Variants in DIAPH3 observed in about 807,000 individuals in gnomAD.
DIAPH3 encodes the protein diaphanous related formin 3, also known as protein diaphanous homolog 3.
Under a neutral mutation model 144.3 loss-of-function variants are expected in DIAPH3, and 117 were observed. That is an observed-to-expected ratio of 0.81 (90% CI 0.70 to 0.95). The LOEUF is 0.95. Among genes scored for constraint, DIAPH3 ranks in the 40% least tolerant of loss-of-function variants. The pLI is 0.00. For missense variants in DIAPH3, 1,421 were observed against 1,412.7 expected (o/e 1.01, Z -0.09); for synonymous variants, 519 against 488.9 (o/e 1.06, Z -0.81).
At chr13:59,969,825 G>C in intron 17 of DIAPH3, 119 bp downstream of exon 17, 1 of 568,814 alleles carries the variant, frequency 1.8e-6, no homozygotes, top group Non-Finnish European at 3.0e-6. Flanking sequence ...TGCCCATTAG[G>C]AATGTAAAAA....
intron 5 of DIAPH3, among the ~76,000 whole-genome samples, chr13:60,036,512 G>A (rs1053175524): frequency 1.3e-5 from 2 of 151,658 alleles, no homozygotes; most frequent in African/African-American, 4.8e-5. Context: ...AGAAAACAGA[G>A]CTGCCTGCAT....
Position 59,758,421 on chromosome 13 carries a change from C to T in DIAPH3, c.3319+15768G>A, listed in dbSNP as rs552739948. Among the ~76,000 whole-genome samples, 84 of 152,278 alleles carry T rather than the reference C, an allele frequency of 5.5e-4. 1 individual carries two copies. The highest frequency in any genetic ancestry group is 1.0e-3 in the Non-Finnish European group (71 of 68,030). ...CAACATGGATACAAAGTGTACAATC[C>T]TATTTTTGGAAAGAACAAGGTAAAG... On this transcript the variant is annotated intron_variant, in intron 27 of 27. Transcript: ENST00000400324.
chr13:59,938,452 C>A (rs149846240), intron 17 of DIAPH3, among the ~76,000 whole-genome samples: 8 of 151,898 alleles, frequency 5.3e-5, no homozygotes, highest in African/African-American at 1.9e-4. Flanking sequence ...CCACAAAAAA[C>A]GTAAAAATTA....
chr13:60,109,527 C>A (rs2058511157), intron 3 of DIAPH3, among the ~76,000 whole-genome samples: 2 of 151,508 alleles, frequency 1.3e-5, no homozygotes, highest in Non-Finnish European at 2.9e-5. Context: ...CCAACAACTG[C>A]CCCTACTGGA....
intron 22 of DIAPH3, among the ~76,000 whole-genome samples, chr13:59,852,842 C>A (rs1260170894): frequency 1.3e-5 from 2 of 152,160 alleles, no homozygotes; most frequent in Non-Finnish European, 2.9e-5. Context: ...TATACTAACA[C>A]ATTATTCACA....
chr13:59,816,195 A>T (rs2040763805), intron 24 of DIAPH3, among the ~76,000 whole-genome samples: 1 of 152,126 alleles, frequency 6.6e-6, no homozygotes, highest in Admixed American at 6.6e-5. Flanking sequence ...TTGAACATTT[A>T]GTCATAAAAT....
At chr13:60,137,977 G>A (rs912567480) in intron 1 of DIAPH3, among the ~76,000 whole-genome samples, 6 of 152,000 alleles carry the variant, frequency 3.9e-5, no homozygotes, top group Non-Finnish European at 5.9e-5. Flanking sequence ...TCCCACCTCG[G>A]CCTCCCAAAG....
chr13:59,981,567 A>G (rs1193424180), intron 13 of DIAPH3, among the ~76,000 whole-genome samples: 2 of 151,190 alleles, frequency 1.3e-5, no homozygotes, highest in Non-Finnish European at 1.5e-5. Context: ...AACTGCTTAA[A>G]TAAGTTATGA....
At chr13:60,089,710 C>A (rs2057868240) in intron 4 of DIAPH3, among the ~76,000 whole-genome samples, 2 of 152,178 alleles carry the variant, frequency 1.3e-5, no homozygotes. Context: ...AAGACATTTT[C>A]TCCAATAAAC....
At chr13:59,748,174 T>C (rs959697684) in intron 27 of DIAPH3, among the ~76,000 whole-genome samples, 10 of 152,186 alleles carry the variant, frequency 6.6e-5, no homozygotes, top group African/African-American at 2.4e-4. Flanking sequence ...TATTATGTAC[T>C]TGTAGAAAGC....
At chr13:59,829,889 A>T (rs966572146) in intron 24 of DIAPH3, among the ~76,000 whole-genome samples, 1 of 151,832 alleles carries the variant, frequency 6.6e-6, no homozygotes, top group East Asian at 1.9e-4. Context: ...AGTGGTTCCA[A>T]CCCCTGATAT....
intron 4 of DIAPH3, among the ~76,000 whole-genome samples, chr13:60,071,815 AAATCT>A (rs952102853): frequency 2.6e-5 from 4 of 152,140 alleles, no homozygotes; most frequent in African/African-American, 7.2e-5. Flanking sequence ...TTTTAACCCT[AAATCT>A]AATCTAATCA....
chr13:60,141,710 A>C (rs1181148002), intron 1 of DIAPH3, among the ~76,000 whole-genome samples: 1 of 152,250 alleles, frequency 6.6e-6, no homozygotes, highest in Non-Finnish European at 1.5e-5. Flanking sequence ...AAATAAAACA[A>C]AGATTTTTGC....
chr13:59,910,451 G>T (rs73196163), intron 20 of DIAPH3, among the ~76,000 whole-genome samples: 8,513 of 152,150 alleles, frequency 0.056, 289 homozygotes, highest in Admixed American at 0.1. Flanking sequence ...GAAAAGGCCG[G>T]GTGGGGTGGC....
intron 14 of DIAPH3, among the ~76,000 whole-genome samples, chr13:59,976,210 T>C (rs1451235829): frequency 6.6e-6 from 1 of 151,992 alleles, no homozygotes; most frequent in African/African-American, 2.4e-5. Flanking sequence ...TCTATCACAC[T>C]TAGCTATAAT....
At chr13:59,868,373 G>GT (rs1176222860) in intron 21 of DIAPH3, among the ~76,000 whole-genome samples, 1 of 151,970 alleles carries the variant, frequency 6.6e-6, no homozygotes, top group South Asian at 2.1e-4. Context: ...AATTTTAAAG[G>GT]TTTTTTAACC....
At chr13:60,115,382 G>A (rs960616989) in intron 2 of DIAPH3, among the ~76,000 whole-genome samples, 2 of 152,222 alleles carry the variant, frequency 1.3e-5, no homozygotes. Context: ...AACTGCAAGA[G>A]ATCAGTTTTT....
chr13:59,991,327 A>G (rs1358591569), intron 11 of DIAPH3, 53 bp from the exon 12 acceptor site: 2 of 1,221,580 alleles, frequency 1.6e-6, no homozygotes, highest in African/African-American at 3.0e-5. Context: ...CCAAACAACT[A>G]TAATAATATG....
intron 3 of DIAPH3, among the ~76,000 whole-genome samples, chr13:60,099,352 TATA>T (rs1184399305): frequency 6.6e-6 from 1 of 152,228 alleles, no homozygotes; most frequent in African/African-American, 2.4e-5. Flanking sequence ...AATGCTATTT[TATA>T]ATAACATTTT....
Sources: allele counts gnomAD v4.1 joint callset (sites outside exome capture counted in the v4.1 genomes callset), GRCh38; gene constraint gnomAD v4.1.1; transcripts MANE v1.5; gene names NCBI Gene and HGNC (gene_info 2026-07-23, HGNC 2026-07-21).